The following GALNT18 variants were observed in gnomAD, a reference collection of about 807,000 sequenced individuals.
GALNT18 encodes polypeptide N-acetylgalactosaminyltransferase 18.
A neutral mutation model predicts 69.5 loss-of-function variants in GALNT18; 44 were observed. The ratio of observed to expected loss-of-function variants is 0.63; its 90% CI spans 0.50 to 0.81. GALNT18 has a LOEUF of 0.81. Among genes scored for constraint, GALNT18 ranks in the 40% least tolerant of loss-of-function variants. GALNT18 has a pLI of 0.00. For missense variants in GALNT18, 715 were observed against 810.0 expected, an observed-to-expected ratio of 0.88 and a Z score of 1.42; for synonymous variants, 364 against 318.2, an observed-to-expected ratio of 1.14 and a Z score of -1.53.
chr11:11,371,136 G>A (rs745457674), intron 6 of GALNT18, among the ~76,000 whole-genome samples: 1 of 152,164 alleles, frequency 6.6e-6, no homozygotes, highest in Non-Finnish European at 1.5e-5. Context: ...TCTAAGCTCG[G>A]CTTCAGACAG....
chr11:11,432,742 G>T lies in GALNT18; in HGVS notation c.474C>A (p.Ile158=), dbSNP rs771501990. The part of the protein sequence containing the change: ...SFPDSLPEVS[I]VFIFVNEALS... ...GCGCTTCATTGACGAAGATGAACAC[G>T]ATGCTCACCTCTGGCAGGCTGTCAG... The change falls in exon 3 of 11, where the codon ATC becomes ATA. Residue 158 remains isoleucine (I), a synonymous_variant. Transcript: ENST00000227756. The surrounding 1 kb of genome is among the most constrained non-coding windows in gnomAD (Gnocchi z 5.8). 3.1e-6 allele frequency: 5 copies of T among 1,614,122 alleles called. No individual in the cohort carries two copies. The South Asian group carries it at 4.4e-5, about 14-fold the overall frequency.
intron 6 of GALNT18, among the ~76,000 whole-genome samples, chr11:11,364,683 A>T (rs989181485): frequency 1.3e-5 from 2 of 152,224 alleles, no homozygotes; most frequent in African/African-American, 4.8e-5. Context: ...GAATTAGAAA[A>T]ATGTGTATAC....
rs187698270 is a variant in GALNT18, at chr11:11,421,383, G to A, written c.595+11238C>T. Among the ~76,000 whole-genome samples the A allele has an allele frequency of 2.0e-4, 31 of 152,266 alleles. No individual in the cohort carries two copies. In the East Asian group the frequency reaches 5.0e-3, roughly 25 times the overall value. On this transcript the variant is annotated intron_variant, in intron 3 of 10. Transcript: ENST00000227756. This position sits in a 1 kb window ranked among gnomAD's most constrained non-coding sequence, Gnocchi z 5.6. Reference sequence around the variant, plus strand: ...ATGCTCATTTCAGGAGGAGCTTATCGGTGGGAAGTCCCAGCCCCCATGATG... The same window carrying A: ...ATGCTCATTTCAGGAGGAGCTTATCAGTGGGAAGTCCCAGCCCCCATGATG...
In GALNT18 at chr11:11,585,737, T is replaced by C. The variant is rs115955623; in HGVS notation, c.235+35622A>G. On this transcript the variant is annotated intron_variant, in intron 1 of 10. Transcript: ENST00000227756. ...AAGTAAATGTGAGACTCCATTTTTC[T>C]TCTATCAAACCAGGTATCAAAAAGA... 6.9e-3 allele frequency among the ~76,000 whole-genome samples: 1,044 copies of C among 152,202 alleles called. 7 individuals carry two copies. The highest frequency in any genetic ancestry group is 0.024 in the African/African-American group (997 of 41,506).
chr11:11,284,690 A>T (rs1156239271), intron 10 of GALNT18, among the ~76,000 whole-genome samples: 3 of 152,040 alleles, frequency 2.0e-5, no homozygotes, highest in Admixed American at 2.0e-4. Context: ...TTAATTTTCC[A>T]TGGGCAAGCA....
rs1288034992 is a variant in GALNT18, at chr11:11,621,421, TC to T, written c.172del (p.Asp58ThrfsTer3). On this transcript the variant is annotated frameshift_variant, in exon 1 of 11. Transcript: ENST00000227756. LOFTEE classifies it high-confidence loss of function. The surrounding 1 kb of genome is among the most constrained non-coding windows in gnomAD (Gnocchi z 9.3). ...PDKKLEEDKG[D>X]TLKIIERLDH... ...CAGCCGCTCAATAATCTTCAGAGTG[TC>T]CCCTTTGTCTTCCTCCAGCTTCTTG... 1 of 1,614,002 alleles carries T rather than the reference TC, an allele frequency of 6.2e-7. No individual in the cohort carries two copies. Among genetic ancestry groups the T allele is most frequent in the Non-Finnish European group, 8.5e-7 (1 of 1,179,998 alleles).
chr11:11,283,913 A>G (rs1047782487), intron 10 of GALNT18, among the ~76,000 whole-genome samples: 4 of 152,146 alleles, frequency 2.6e-5, no homozygotes, highest in African/African-American at 9.7e-5. Context: ...AAGGCTAATA[A>G]TAATTCCTAG....
intron 9 of GALNT18, among the ~76,000 whole-genome samples, chr11:11,303,445 C>T (rs922151499): frequency 2.6e-5 from 4 of 152,138 alleles, no homozygotes; most frequent in African/African-American, 9.7e-5. Context: ...TTACTTGTCA[C>T]AAACCCTTGT....
rs1855278925 is a variant in GALNT18, at chr11:11,432,128, T to G, written c.595+493A>C. On this transcript the variant is annotated intron_variant, in intron 3 of 10. Coordinates refer to ENST00000227756, the MANE Select transcript of GALNT18 (RefSeq NM_198516.3). The surrounding 1 kb of genome is among the most constrained non-coding windows in gnomAD (Gnocchi z 5.8). Reference sequence around the variant, plus strand: ...AAAGAGGCTAGACATTCAACAAGTCTGTTGCTGTCATTGAGTTACGTGTCC... The same window carrying G: ...AAAGAGGCTAGACATTCAACAAGTCGGTTGCTGTCATTGAGTTACGTGTCC... Among the ~76,000 whole-genome samples, 1 of 152,232 alleles carries G rather than the reference T, an allele frequency of 6.6e-6. No individual in the cohort carries two copies. Among genetic ancestry groups the G allele is most frequent in the South Asian group, 2.1e-4 (1 of 4,834 alleles).
At chr11:11,311,824 C>T (rs1283598494) in intron 9 of GALNT18, among the ~76,000 whole-genome samples, 1 of 152,220 alleles carries the variant, frequency 6.6e-6, no homozygotes, top group Admixed American at 6.5e-5. Flanking sequence ...CTAATATTAG[C>T]AATAACAGTG....
chr11:11,300,063 C>T (rs1357728068), intron 9 of GALNT18, among the ~76,000 whole-genome samples: 2 of 152,206 alleles, frequency 1.3e-5, no homozygotes, highest in African/African-American at 4.8e-5. Context: ...AAATCTAGAA[C>T]ATTGGGAAAA....
chr11:11,561,124 T>C (rs1417980412), intron 1 of GALNT18, among the ~76,000 whole-genome samples: 1 of 152,226 alleles, frequency 6.6e-6, no homozygotes. Context: ...CTTGGTTCAT[T>C]AATCATCTTT....
chr11:11,464,010 T>A (rs571501294), intron 1 of GALNT18, among the ~76,000 whole-genome samples: 1 of 152,176 alleles, frequency 6.6e-6, no homozygotes, highest in East Asian at 1.9e-4. Context: ...AAGGAGGCAG[T>A]CCCGGCCTGC....
intron 10 of GALNT18, among the ~76,000 whole-genome samples, chr11:11,287,176 A>G (rs1849210309): frequency 6.6e-6 from 1 of 152,246 alleles, no homozygotes; most frequent in Non-Finnish European, 1.5e-5. Flanking sequence ...ATCTGCAGGT[A>G]GAACACTGAC....
chr11:11,325,935 T>A (rs1849909531), intron 9 of GALNT18, among the ~76,000 whole-genome samples: 1 of 152,108 alleles, frequency 6.6e-6, no homozygotes, highest in African/African-American at 2.4e-5. Flanking sequence ...CAGAGTGACA[T>A]ACACGTCATG....
chr11:11,290,921 G>A (rs558757670), intron 10 of GALNT18, among the ~76,000 whole-genome samples: 5 of 152,202 alleles, frequency 3.3e-5, no homozygotes, highest in East Asian at 1.9e-4. Context: ...CACGGAGCCC[G>A]GAATATGCAC....
Position 11,621,771 on chromosome 11 carries a change from G to A in GALNT18, c.-178C>T. 1.7e-6 allele frequency: 1 copy of A among 600,316 alleles called. No homozygotes were observed. Among genetic ancestry groups the A allele is most frequent in the Non-Finnish European group, 3.0e-6 (1 of 338,516 alleles). 37.2% of individuals were successfully genotyped at this position (600,316 alleles called of 1,614,324 possible). On this transcript the variant is annotated 5_prime_UTR_variant, in exon 1 of 11. Transcript: ENST00000227756. This position sits in a 1 kb window ranked among gnomAD's most constrained non-coding sequence, Gnocchi z 9.3. ...TGTAGCCGCCGTGCCCAAGTTTGCA[G>A]CTCCTGCCGCTGGCCACCCGGAGAG...
In GALNT18 at chr11:11,338,433, G is replaced by A. The variant is rs4909990; in HGVS notation, c.1278+2386C>T. On this transcript the variant is annotated intron_variant, in intron 7 of 10. Transcript: ENST00000227756. The surrounding 1 kb of genome is among the most constrained non-coding windows in gnomAD (Gnocchi z 5.3). ...AACAGGGCCTGAATGCAGACATGAG[G>A]GGAGGTCGGGGTGGGAAGGAGGGCT... 0.9 allele frequency among the ~76,000 whole-genome samples: 137,198 copies of A among 152,072 alleles called. 62,455 individuals carry two copies. Among genetic ancestry groups the A allele is most frequent in the East Asian group, 1 (5,150 of 5,172 alleles).
intron 10 of GALNT18, among the ~76,000 whole-genome samples, chr11:11,277,130 C>G (rs1270354204): frequency 6.6e-6 from 1 of 152,198 alleles, no homozygotes; most frequent in Non-Finnish European, 1.5e-5. Context: ...GGCTGTGAAT[C>G]CGTCTGGTCC....
Sources: gnomAD v4.1 joint callset for allele counts (sites outside exome capture counted in the v4.1 genomes callset) on GRCh38, gnomAD v4.1.1 for gene constraint, Gnocchi (gnomAD v3.1) non-coding constraint, MANE v1.5 for transcripts, NCBI Gene and HGNC (gene_info 2026-07-23, HGNC 2026-07-21) for gene names.